Variants in MYO5B observed in about 807,000 individuals in gnomAD.
MYO5B encodes myosin VB, also known as unconventional myosin-Vb.
MYO5B carries 143 observed loss-of-function variants against 229.3 expected under a neutral mutation model. The ratio of observed to expected loss-of-function variants is 0.62; its 90% CI spans 0.54 to 0.72. The LOEUF (loss-of-function observed/expected upper bound fraction) is 0.72, where lower values mean the gene tolerates loss of function less well. MYO5B is among the 30% of genes least tolerant of loss of function. MYO5B has a pLI of 0.00. For missense variants in MYO5B, 2,321 were observed against 2,331.0 expected (o/e 1.00, Z 0.09); for synonymous variants, 918 against 885.2 (o/e 1.04, Z -0.66).
At chr18:49,925,486 T>C (rs2025119297) in intron 17 of MYO5B, among the ~76,000 whole-genome samples, 1 of 152,246 alleles carries the variant, frequency 6.6e-6, no homozygotes, top group Admixed American at 6.5e-5. Flanking sequence ...CCAATGGTCA[T>C]TCATATTTGG....
intron 1 of MYO5B, among the ~76,000 whole-genome samples, chr18:50,139,558 A>G (rs547096276): frequency 2.8e-3 from 421 of 152,324 alleles, no homozygotes; most frequent in Admixed American, 6.5e-3. Context: ...GAAGAGACAC[A>G]AGTGAGTGAA....
intron 1 of MYO5B, among the ~76,000 whole-genome samples, chr18:50,183,440 C>A (rs2033104528): frequency 6.6e-6 from 1 of 150,512 alleles, no homozygotes; most frequent in Non-Finnish European, 1.5e-5. Context: ...CTAAGCTGGG[C>A]CTTTGACTAA....
rs545544631 is a variant in MYO5B at position 50,040,416 on chromosome 18, A to G, written c.139-102T>C. Reference sequence around the variant, plus strand: ...GCTGGAATCACCATCTTAACATGATAGTAAGTAATGAAGATAATGTTTTAA... The same window carrying G: ...GCTGGAATCACCATCTTAACATGATGGTAAGTAATGAAGATAATGTTTTAA... On this transcript the variant is annotated intron_variant, in intron 2 of 39. Transcript: ENST00000285039. The G allele has an allele frequency of 7.1e-6, 8 of 1,126,814 alleles. No homozygotes were observed. In the Admixed American group the frequency reaches 1.4e-4, roughly 19 times the overall value. The allele number at this position is 1,126,814 out of a possible 1,614,324, so 69.8% of individuals were successfully genotyped here.
At chr18:50,082,937 C>T (rs988294736) in intron 1 of MYO5B, among the ~76,000 whole-genome samples, 1 of 152,156 alleles carries the variant, frequency 6.6e-6, no homozygotes, top group Non-Finnish European at 1.5e-5. Flanking sequence ...AATTCTAACA[C>T]TAACCACCTG....
chr18:50,040,767 C>T (rs2029990696), intron 2 of MYO5B, among the ~76,000 whole-genome samples: 1 of 152,106 alleles, frequency 6.6e-6, no homozygotes, highest in Non-Finnish European at 1.5e-5. Flanking sequence ...TCAAGTTGAA[C>T]CATTTGTGCA....
intron 29 of MYO5B, among the ~76,000 whole-genome samples, chr18:49,859,872 G>A (rs1412257921): frequency 1.3e-5 from 2 of 152,198 alleles, no homozygotes; most frequent in African/African-American, 2.4e-5. Flanking sequence ...CACAGCAGCC[G>A]AGGCTCAAGG....
Position 49,836,839 on chromosome 18 carries a change from G to A in MYO5B, c.5185C>T (p.His1729Tyr). The change falls in exon 38 of 40, where the codon CAC becomes TAC. Residue 1729 changes from histidine (H) to tyrosine (Y), a missense_variant. Physicochemically the swap from His to Tyr is moderately conservative, Grantham distance 83. Coordinates refer to ENST00000285039, the MANE Select transcript of MYO5B (RefSeq NM_001080467.3). Reference protein sequence around the residue: ...LEEWLRGRNLHQSGAVQTMEP... With the variant: ...LEEWLRGRNLYQSGAVQTMEP... The stretch of plus-strand genomic sequence containing the variant: ...ATGGTCTGAACTGCTCCACTCTGGT[G>A]AAGGTTTCTTCCCCGAAGCCACTCC... 3 of 1,614,210 alleles carry A rather than the reference G, an allele frequency of 1.9e-6. No individual in the cohort carries two copies. Among genetic ancestry groups the A allele is most frequent in the South Asian group, 1.1e-5 (1 of 91,082 alleles).
At chr18:50,117,265 A>T (rs2031980097) in intron 1 of MYO5B, among the ~76,000 whole-genome samples, 1 of 152,124 alleles carries the variant, frequency 6.6e-6, no homozygotes, top group Non-Finnish European at 1.5e-5. Context: ...GGAAACTTCA[A>T]ATTCTCATTT....
Position 49,895,165 on chromosome 18 carries a change from A to C in MYO5B, c.2821T>G (p.Phe941Val). Residue 941 changes from phenylalanine (F) to valine (V), a missense_variant, in exon 22 of 40, where the codon TTC (phenylalanine) becomes GTC (valine). Around this residue, in one of 2 missense-constraint regions of MYO5B, gnomAD observed 2,113 missense variants for 2,044.7 expected, o/e 1.03. Transcript: ENST00000285039. The part of the protein sequence containing the change: ...QRKIDEQNKE[F>V]KTLSEQLSVT... The stretch of plus-strand genomic sequence containing the variant: ...GACAACTGCTCTGAAAGTGTCTTGA[A>C]CTCTTTGTTCTGTGGAGAACATCAG... 1.9e-6 allele frequency: 3 copies of C among 1,613,674 alleles called. No individual in the cohort carries two copies. The highest frequency in any genetic ancestry group is 2.5e-6 in the Non-Finnish European group (3 of 1,179,798).
chr18:49,978,710 C>T (rs1042210316), intron 9 of MYO5B, among the ~76,000 whole-genome samples: 2 of 141,046 alleles, frequency 1.4e-5, no homozygotes, highest in African/African-American at 6.1e-5. Context: ...CACACACACA[C>T]ACACACACAC....
chr18:49,899,955 C>T (rs957690763), intron 21 of MYO5B, among the ~76,000 whole-genome samples: 13 of 151,756 alleles, frequency 8.6e-5, no homozygotes, highest in Non-Finnish European at 1.6e-4. Context: ...CCATTTAAAT[C>T]TGCTTTTCTT....
chr18:49,978,331 C>T (rs757992720), intron 9 of MYO5B, among the ~76,000 whole-genome samples: 5 of 152,182 alleles, frequency 3.3e-5, no homozygotes, highest in East Asian at 1.9e-4. Flanking sequence ...CTCACCTGAA[C>T]GTTCTCCGGA....
At chr18:50,117,800 G>T (rs1263351773) in intron 1 of MYO5B, among the ~76,000 whole-genome samples, 1 of 152,054 alleles carries the variant, frequency 6.6e-6, no homozygotes, top group East Asian at 1.9e-4. Context: ...AGACCCCTCA[G>T]GCCTGAGCCC....
chr18:50,021,717 G>GT (rs2026277019), intron 4 of MYO5B, among the ~76,000 whole-genome samples: 1 of 5,348 alleles, frequency 1.9e-4, no homozygotes, highest in African/African-American at 3.8e-4. Flanking sequence ...TCCCATCTGC[G>GT]TAAAAAAAAA....
At position 49,834,127 on chromosome 18, in the gene MYO5B, A is replaced by C. The variant is rs919004869; in HGVS notation, c.5394+1217T>G. Among the ~76,000 whole-genome samples, 12 of 151,998 alleles carry C rather than the reference A, an allele frequency of 7.9e-5. No homozygotes were observed. The South Asian group carries it at 1.7e-3, about 21-fold the overall frequency. ...TTTTAGCTCTTTTCAGGGCTCTCTAAATCTCTGGATCTACATTGAAACACT... is the reference window on the plus strand; with the variant it reads ...TTTTAGCTCTTTTCAGGGCTCTCTACATCTCTGGATCTACATTGAAACACT... On this transcript the variant is annotated intron_variant, in intron 39 of 39. Transcript: ENST00000285039.
intron 32 of MYO5B, among the ~76,000 whole-genome samples, chr18:49,847,584 G>C (rs1327711236): frequency 6.6e-6 from 1 of 152,236 alleles, no homozygotes; most frequent in African/African-American, 2.4e-5. Context: ...CAGCAGGCAG[G>C]TTTCAGACCA....
chr18:49,906,838 G>A (rs1326506932), intron 18 of MYO5B, among the ~76,000 whole-genome samples: 18 of 152,156 alleles, frequency 1.2e-4, no homozygotes, highest in Admixed American at 6.5e-4. Context: ...TGAACAAGAC[G>A]CCTGCCCTCA....
At chr18:50,181,444 A>G (rs1305593101) in intron 1 of MYO5B, among the ~76,000 whole-genome samples, 2 of 152,246 alleles carry the variant, frequency 1.3e-5, no homozygotes, top group African/African-American at 4.8e-5. Flanking sequence ...CACACAGTCC[A>G]CAATAGCAAG....
intron 4 of MYO5B, among the ~76,000 whole-genome samples, chr18:50,003,097 G>C (rs899105604): frequency 1.3e-5 from 2 of 152,166 alleles, no homozygotes; most frequent in African/African-American, 4.8e-5. Flanking sequence ...GGAGGTGGGA[G>C]CCGAAGGCAG....
Sources: gnomAD v4.1 joint callset for allele counts (sites outside exome capture counted in the v4.1 genomes callset) on GRCh38, gnomAD v4.1.1 for gene constraint, gnomAD v4.1.1 regional missense constraint, MANE v1.5 for transcripts, NCBI Gene and HGNC (gene_info 2026-07-23, HGNC 2026-07-21) for gene names.